The following FANCI variants were observed in gnomAD, a reference collection of about 807,000 sequenced individuals.
The protein encoded by FANCI is FA complementation group I.
In FANCI, 156 loss-of-function variants were observed where a neutral mutation model predicts 176.1. The ratio of observed to expected loss-of-function variants is 0.89; its 90% CI spans 0.78 to 1.01. The LOEUF is 1.01. Ranked by LOEUF, FANCI falls within the 50% of genes least tolerant of loss-of-function variation. FANCI has a pLI of 0.00. For missense variants in FANCI, 1,678 were observed against 1,534.1 expected (o/e 1.09, Z -1.57); for synonymous variants, 613 against 541.7 (o/e 1.13, Z -1.83).
At chr15:89,281,913 G>T (rs147352745) in intron 16 of FANCI, 78 bp downstream of exon 16, 44 of 1,259,268 alleles carry the variant, frequency 3.5e-5, no homozygotes, top group Non-Finnish European at 4.5e-5. Flanking sequence ...CCATCTCCTA[G>T]TACCACCTGT....
At chr15:89,286,977 C>T (rs2053839054) in intron 18 of FANCI, among the ~76,000 whole-genome samples, 5 of 86,054 alleles carry the variant, frequency 5.8e-5, no homozygotes, top group African/African-American at 9.5e-5. Flanking sequence ...TCACCTTGCA[C>T]TTTTTTTTTT....
intron 16 of FANCI, 48 bp from the exon 17 acceptor site, chr15:89,283,088 A>T: frequency 6.3e-7 from 1 of 1,595,350 alleles, no homozygotes. Context: ...CCAGAAGCAT[A>T]TTCCTGTGAA....
chr15:89,245,957 A>G (rs1288396837), intron 1 of FANCI: 2 of 152,296 alleles, frequency 1.3e-5, no homozygotes, highest in Admixed American at 6.5e-5. Context: ...AGTAGTGGAG[A>G]TGGAGAAAAG....
At position 89,305,345 on chromosome 15, in the gene FANCI, T is replaced by C. The variant is rs759473151; in HGVS notation, c.3191T>C (p.Val1064Ala). The C allele has an allele frequency of 1.2e-6, 2 of 1,614,020 alleles. No individual in the cohort carries two copies. Among genetic ancestry groups the C allele is most frequent in the Admixed American group, 1.7e-5 (1 of 59,992 alleles). ...HGHLGDIDQD[V>A]EVEKTNHFAI... ...CACCTCTCTTCTTTTCCCCAGGATGTAGAGGTGGAGAAAACAAACCACTTT... is the reference window on the plus strand; with the variant it reads ...CACCTCTCTTCTTTTCCCCAGGATGCAGAGGTGGAGAAAACAAACCACTTT... The change falls in exon 30 of 38, where the codon GTA becomes GCA. Residue 1064 changes from valine to alanine, a missense_variant. This residue lies in a region of FANCI where 1,204 missense variants were observed against 1,077.4 expected (regional missense o/e 1.12). Coordinates refer to ENST00000310775, the MANE Select transcript of FANCI (RefSeq NM_001113378.2).
chr15:89,312,206 A>T (rs1245060597), intron 34 of FANCI, among the ~76,000 whole-genome samples: 1 of 152,092 alleles, frequency 6.6e-6, no homozygotes. Context: ...CCTCTCCTTT[A>T]TGGGATCCTT....
chr15:89,316,766 G>A lies in FANCI; in HGVS notation c.*307G>A, dbSNP rs781498180. 4 of 1,613,382 alleles carry A rather than the reference G, an allele frequency of 2.5e-6. No homozygotes were observed. Among genetic ancestry groups the A allele is most frequent in the Admixed American group, 3.3e-5 (2 of 60,014 alleles). Reference sequence around the variant, plus strand: ...CCAGGCAGTGCTATGGTCCAGGCTGGCTTCGTTTTTCCAAGGAGCCTTTGG... The same window carrying A: ...CCAGGCAGTGCTATGGTCCAGGCTGACTTCGTTTTTCCAAGGAGCCTTTGG... On this transcript the variant is annotated 3_prime_UTR_variant, in exon 38 of 38. Transcript: ENST00000310775.
rs199615501 is a variant in FANCI at position 89,292,793 on chromosome 15, G to C, written c.2098G>C (p.Glu700Gln). ...EEEEEEEAFY[E>Q]DLDDILESIT... ...AGAGGAGGAGGAAGAGGCATTCTAC[G>C]AAGACCTAGATGATATATTGGAGTC... The change falls in exon 21 of 38, where the codon GAA (glutamate) becomes CAA (glutamine). Residue 700 changes from glutamate (E) to glutamine (Q), a missense_variant. Around this residue, in one of 3 missense-constraint regions of FANCI, gnomAD observed 1,204 missense variants for 1,077.4 expected, o/e 1.12. Transcript: ENST00000310775. The C allele has an allele frequency of 1.2e-6, 2 of 1,614,060 alleles. No homozygotes were observed. The highest frequency in any genetic ancestry group is 8.5e-7 in the Non-Finnish European group (1 of 1,180,004).
rs566788828 is a variant in FANCI at position 89,270,468 on chromosome 15, G to T, written c.882+1943G>T. Among the ~76,000 whole-genome samples the T allele has an allele frequency of 2.6e-5, 4 of 151,880 alleles. No homozygotes were observed. The East Asian group carries it at 7.7e-4, about 29-fold the overall frequency. On this transcript the variant is annotated intron_variant, in intron 10 of 37. Transcript: ENST00000310775. ...TTTTCCCATCTATTGATGATTCTTGGCCTAAATCAGTAATTATACCAGGAA... is the reference window on the plus strand; with the variant it reads ...TTTTCCCATCTATTGATGATTCTTGTCCTAAATCAGTAATTATACCAGGAA...
chr15:89,294,448 G>A (rs2054177792), intron 23 of FANCI, among the ~76,000 whole-genome samples: 1 of 152,074 alleles, frequency 6.6e-6, no homozygotes, highest in Non-Finnish European at 1.5e-5. Flanking sequence ...AGCCGGGCAT[G>A]GTGGTGCGCA....
chr15:89,257,339 T>TA (rs1228173354), intron 2 of FANCI, among the ~76,000 whole-genome samples: 2 of 152,234 alleles, frequency 1.3e-5, no homozygotes, highest in Non-Finnish European at 2.9e-5. Flanking sequence ...GGGCTGCTGT[T>TA]ACAATGTATC....
rs182785071 is a variant in FANCI at position 89,297,299 on chromosome 15, C to T, written c.2636+2205C>T. 2.6e-3 allele frequency among the ~76,000 whole-genome samples: 388 copies of T among 150,762 alleles called. 9 individuals are homozygous for T. The highest frequency in any genetic ancestry group is 0.014 in the East Asian group (73 of 5,068). On this transcript the variant is annotated intron_variant, in intron 24 of 37. Coordinates refer to ENST00000310775, the MANE Select transcript of FANCI (RefSeq NM_001113378.2). ...GGGATGGCGGCCGGGAAGAGGCGCT[C>T]CTCACCTCCTAGATGGGATTGCGGC... is the stretch of plus-strand genomic sequence containing the variant.
At position 89,274,279 on chromosome 15, in the gene FANCI, A is replaced by T. The variant is rs1372987795; in HGVS notation, c.1087A>T (p.Met363Leu). 3 of 1,613,646 alleles carry T rather than the reference A, an allele frequency of 1.9e-6. No individual in the cohort carries two copies. The highest frequency in any genetic ancestry group is 8.5e-7 in the Non-Finnish European group (1 of 1,179,848). ...TCCTCATAGATCTTATGTTTCAACC[A>T]TGATCTTGGAAGTAGTGAAGAATAG... ...LVPHRSYVST[M>L]ILEVVKNSVH... Residue 363 changes from methionine (M) to leucine (L), a missense_variant, in exon 12 of 38, where the codon ATG becomes TTG. Met to Leu is a conservative substitution (Grantham distance 15, BLOSUM62 2). This residue lies in a region of FANCI where 469 missense variants were observed against 436.9 expected (regional missense o/e 1.07). Transcript: ENST00000310775.
In FANCI at chr15:89,305,714, C is replaced by G. The variant is rs752997434; in HGVS notation, c.3349+16C>G. 6.2e-7 allele frequency: 1 copy of G among 1,611,014 alleles called. No homozygotes were observed. ...ACCTTATCAGGTAAGATAAGTTCAA[C>G]TGGGATTCCAGGAATTGACATGAGC... On this transcript the variant is annotated intron_variant, in intron 31 of 37. Coordinates refer to ENST00000310775, the MANE Select transcript of FANCI (RefSeq NM_001113378.2).
At chr15:89,296,958 G>A (rs1435449506) in intron 24 of FANCI, among the ~76,000 whole-genome samples, 3 of 140,886 alleles carry the variant, frequency 2.1e-5, no homozygotes, top group Admixed American at 1.4e-4. Flanking sequence ...GCGGCTGGCC[G>A]GGCGGGGGGC....
chr15:89,307,637 A>T lies in FANCI; in HGVS notation c.3616A>T (p.Thr1206Ser). 1 of 1,613,616 alleles carries T rather than the reference A, an allele frequency of 6.2e-7. No individual in the cohort carries two copies. The highest frequency in any genetic ancestry group is 8.5e-7 in the Non-Finnish European group (1 of 1,179,952). ...GGTGAAGCTGTCTGGTTCTCATCTGACCCCCCTGTGTTATTCTTTCATTTC... is the reference window on the plus strand; with the variant it reads ...GGTGAAGCTGTCTGGTTCTCATCTGTCCCCCCTGTGTTATTCTTTCATTTC... Reference protein sequence around the residue: ...KLVKLSGSHLTPLCYSFISYV... With the variant: ...KLVKLSGSHLSPLCYSFISYV... Residue 1206 changes from threonine (T) to serine (S), a missense_variant, in exon 34 of 38, where the codon ACC becomes TCC. By Grantham distance (58) the Thr-to-Ser change is moderately conservative. Coordinates refer to ENST00000310775, the MANE Select transcript of FANCI (RefSeq NM_001113378.2).
At chr15:89,307,990 C>T (rs1434530219) in intron 34 of FANCI, 1 of 1,256,118 alleles carries the variant, frequency 8.0e-7, no homozygotes, top group East Asian at 4.3e-5. Context: ...ATGAGGCATC[C>T]TCTGGGAATG....
chr15:89,276,477 C>G (rs1391326410), intron 12 of FANCI, among the ~76,000 whole-genome samples: 2 of 152,094 alleles, frequency 1.3e-5, no homozygotes, highest in African/African-American at 4.8e-5. Flanking sequence ...TCTCTAGCTT[C>G]TGGATTTTCC....
chr15:89,312,992 C>T lies in FANCI; in HGVS notation c.3720+20C>T, dbSNP rs572665348. The T allele has an allele frequency of 8.1e-6, 13 of 1,611,646 alleles. No individual in the cohort carries two copies. The highest frequency in any genetic ancestry group is 4.0e-5 in the African/African-American group (3 of 74,836). On this transcript the variant is annotated intron_variant, in intron 35 of 37. Transcript: ENST00000310775. ...GCCATGGTAAGCTGCTGACACTGAC[C>T]GTTAAAATATGCTTGTTGGTGAACC... is the stretch of plus-strand genomic sequence containing the variant.
chr15:89,295,367 A>AAAAAG (rs1491195555), intron 24 of FANCI, among the ~76,000 whole-genome samples: 1 of 59,576 alleles, frequency 1.7e-5, no homozygotes, highest in East Asian at 4.8e-4. Flanking sequence ...CTCTCAAAAG[A>AAAAAG]AAAAAAAAAA....
Sources: allele counts gnomAD v4.1 joint callset (sites outside exome capture counted in the v4.1 genomes callset), GRCh38; gene constraint gnomAD v4.1.1; regional missense constraint gnomAD v4.1.1; transcripts MANE v1.5; gene names NCBI Gene and HGNC (gene_info 2026-07-23, HGNC 2026-07-21).